The following CDH13 variants were observed in gnomAD, a reference collection of about 807,000 sequenced individuals.
CDH13 encodes the protein cadherin 13.
A neutral mutation model predicts 63.8 loss-of-function variants in CDH13; 24 were observed. That is an observed-to-expected ratio of 0.38 (90% CI 0.27 to 0.53). The LOEUF is 0.53. Ranked by LOEUF, CDH13 falls within the 20% of genes least tolerant of loss-of-function variation. CDH13 has a pLI of 0.85. For missense variants in CDH13, 1,049 were observed against 903.1 expected (o/e 1.16, Z -2.07); for synonymous variants, 503 against 355.3 (o/e 1.42, Z -4.67).
At chr16:83,270,567 C>T (rs779217379) in intron 5 of CDH13, among the ~76,000 whole-genome samples, 28 of 152,142 alleles carry the variant, frequency 1.8e-4, no homozygotes, top group Non-Finnish European at 3.5e-4. Flanking sequence ...CCTGAGTGCA[C>T]GCACAGCTCA....
At chr16:83,285,553 A>T (rs561787605) in intron 5 of CDH13, among the ~76,000 whole-genome samples, 2 of 152,194 alleles carry the variant, frequency 1.3e-5, no homozygotes, top group African/African-American at 4.8e-5. Flanking sequence ...TAAAAAAAGC[A>T]ATGTAATAAC....
intron 5 of CDH13, among the ~76,000 whole-genome samples, chr16:83,227,915 A>G (rs548249478): frequency 6.6e-6 from 1 of 152,264 alleles, no homozygotes; most frequent in Non-Finnish European, 1.5e-5. Context: ...AACAACCACC[A>G]AATCCCTGCT....
intron 1 of CDH13, among the ~76,000 whole-genome samples, chr16:82,710,654 A>C (rs1405300320): frequency 7.0e-6 from 1 of 142,874 alleles, no homozygotes; most frequent in East Asian, 2.0e-4. Flanking sequence ...TAATCATTTT[A>C]TTTGATTTAA....
At chr16:83,780,810 G>A (rs1263360978) in intron 12 of CDH13, among the ~76,000 whole-genome samples, 2 of 152,200 alleles carry the variant, frequency 1.3e-5, no homozygotes, top group East Asian at 3.9e-4. Context: ...AGGAGTCTCT[G>A]CTTCTCCCCA....
intron 3 of CDH13, among the ~76,000 whole-genome samples, chr16:83,066,912 C>T (rs1054469047): frequency 6.6e-6 from 1 of 152,106 alleles, no homozygotes; most frequent in Non-Finnish European, 1.5e-5. Flanking sequence ...CTAAGAAAGC[C>T]TAACTTTACC....
intron 5 of CDH13, among the ~76,000 whole-genome samples, chr16:83,225,579 C>A (rs2039815468): frequency 6.6e-6 from 1 of 152,142 alleles, no homozygotes; most frequent in Non-Finnish European, 1.5e-5. Context: ...GGAAATTAGC[C>A]TTGGGGTCGG....
intron 2 of CDH13, among the ~76,000 whole-genome samples, chr16:82,890,561 A>G (rs1418891110): frequency 6.6e-6 from 1 of 152,038 alleles, no homozygotes; most frequent in Non-Finnish European, 1.5e-5. Flanking sequence ...GCAGTCTTAG[A>G]GTGGAGTTTT....
intron 11 of CDH13, among the ~76,000 whole-genome samples, chr16:83,778,860 A>G (rs1289507905): frequency 6.6e-6 from 1 of 152,154 alleles, no homozygotes; most frequent in Non-Finnish European, 1.5e-5. Flanking sequence ...TTCCCTCTTT[A>G]GTCAACTCCT....
intron 1 of CDH13, among the ~76,000 whole-genome samples, chr16:82,700,896 C>CCAT (rs1054843396): frequency 7.3e-6 from 1 of 136,858 alleles, no homozygotes; most frequent in African/African-American, 2.7e-5. Flanking sequence ...AAAGAAAAGG[C>CCAT]CATGTAATTT....
At chr16:83,678,525 G>T (rs777588974) in intron 10 of CDH13, 64 bp downstream of exon 10, 9 of 1,586,674 alleles carry the variant, frequency 5.7e-6, no homozygotes, top group Non-Finnish European at 7.8e-6. Context: ...CTTTCCAGTC[G>T]CAGAAGCTGG....
At chr16:83,101,841 G>C (rs1205963158) in intron 3 of CDH13, among the ~76,000 whole-genome samples, 2 of 152,126 alleles carry the variant, frequency 1.3e-5, no homozygotes, top group East Asian at 3.9e-4. Context: ...TCATGGAGTA[G>C]GTGACTTGTG....
intron 7 of CDH13, among the ~76,000 whole-genome samples, chr16:83,543,141 GAATT>G (rs1449719195): frequency 6.6e-6 from 1 of 152,206 alleles, no homozygotes; most frequent in Non-Finnish European, 1.5e-5. Flanking sequence ...ACTATAGGTT[GAATT>G]AATTAATATT....
At position 82,686,603 on chromosome 16, in the gene CDH13, T is replaced by G. The variant is rs3845200; in HGVS notation, c.45+59466T>G. Among the ~76,000 whole-genome samples the G allele has an allele frequency of 1.8e-3, 269 of 152,288 alleles. 1 individual carries two copies. Among genetic ancestry groups the G allele is most frequent in the African/African-American group, 6.3e-3 (261 of 41,558 alleles). ...ATTATTTAATCACTCTGGCCTTCGG[T>G]TTTTCAGCTCTAAAAATGAGAATAT... is the stretch of plus-strand genomic sequence containing the variant. On this transcript the variant is annotated intron_variant, in intron 1 of 13. Coordinates refer to ENST00000567109, the MANE Select transcript of CDH13 (RefSeq NM_001257.5).
chr16:83,749,211 G>T (rs149421517), intron 11 of CDH13, among the ~76,000 whole-genome samples: 5 of 152,100 alleles, frequency 3.3e-5, no homozygotes, highest in Non-Finnish European at 7.3e-5. Flanking sequence ...ATATTTATAG[G>T]TGCCCATTGT....
At chr16:82,693,918 A>T (rs747059290) in intron 1 of CDH13, among the ~76,000 whole-genome samples, 2 of 152,232 alleles carry the variant, frequency 1.3e-5, no homozygotes, top group Non-Finnish European at 2.9e-5. Context: ...TCTGTGATTT[A>T]ATGGGATACA....
intron 8 of CDH13, among the ~76,000 whole-genome samples, chr16:83,627,507 C>A (rs1011911973): frequency 4.6e-5 from 7 of 152,160 alleles, no homozygotes; most frequent in Non-Finnish European, 4.4e-5. Context: ...AGTATCCACA[C>A]CATTGTCCTG....
chr16:83,064,958 C>T (rs2031876455), intron 3 of CDH13, among the ~76,000 whole-genome samples: 2 of 152,106 alleles, frequency 1.3e-5, no homozygotes, highest in East Asian at 1.9e-4. Flanking sequence ...ACCTCTTTCT[C>T]TTGTCTATCT....
At chr16:83,131,878 T>A (rs1301413675) in intron 4 of CDH13, among the ~76,000 whole-genome samples, 1 of 152,184 alleles carries the variant, frequency 6.6e-6, no homozygotes, top group East Asian at 1.9e-4. Context: ...GTAAAGGGAA[T>A]CAACATTGAT....
In CDH13 at chr16:83,542,931, A is replaced by T. The variant is rs78744641; in HGVS notation, c.960+56276A>T. Among the ~76,000 whole-genome samples the T allele has an allele frequency of 6.8e-3, 1,030 of 152,360 alleles. 18 individuals are homozygous for T. The highest frequency in any genetic ancestry group is 0.023 in the African/African-American group (955 of 41,588). On this transcript the variant is annotated intron_variant, in intron 7 of 13. Coordinates refer to ENST00000567109, the MANE Select transcript of CDH13 (RefSeq NM_001257.5). ...TCACATTCTGAGATATTAAGGGCTA[A>T]GACAATCAACATAAGCTTTTTGAGG...
Sources: gnomAD v4.1 joint callset for allele counts (sites outside exome capture counted in the v4.1 genomes callset) on GRCh38, gnomAD v4.1.1 for gene constraint, MANE v1.5 for transcripts, NCBI Gene and HGNC (gene_info 2026-07-23, HGNC 2026-07-21) for gene names.